The following GPCPD1 variants were observed in gnomAD, a reference collection of about 807,000 sequenced individuals.
GPCPD1 encodes the protein glycerophosphocholine phosphodiesterase GPCPD1.
GPCPD1 carries 29 observed loss-of-function variants against 89.2 expected under a neutral mutation model. The observed-to-expected ratio is 0.33, with a 90% CI of 0.24 to 0.44. GPCPD1 has a LOEUF of 0.44. Among genes scored for constraint, GPCPD1 ranks in the 20% least tolerant of loss-of-function variants. The probability of loss-of-function intolerance (pLI) is 1.00; values close to 1 mark genes in which losing one functional copy is unlikely to be tolerated. For synonymous variants in GPCPD1, 258 were observed against 266.3 expected (o/e 0.97, Z 0.30); for missense variants, 594 against 808.9 (o/e 0.73, Z 3.22).
intron 4 of GPCPD1, 58 bp downstream of exon 4, chr20:5,593,265 TTAAG>T (rs1448677497): frequency 1.2e-6 from 1 of 834,572 alleles, no homozygotes; most frequent in Non-Finnish European, 2.1e-6. Flanking sequence ...GTGTTCAAAC[TTAAG>T]TGAGTTGCTT....
rs1986297547 is a variant in GPCPD1, at chr20:5,564,909, A to G, written c.1329+108T>C. 5.7e-6 allele frequency: 4 copies of G among 704,274 alleles called. No individual in the cohort carries two copies. In the East Asian group the frequency reaches 9.9e-5, roughly 17 times the overall value. The allele number at this position is 704,274 out of a possible 1,614,324, so 43.6% of individuals were successfully genotyped here. A position where few individuals can be genotyped will look rare whatever the true frequency, so the allele number is the denominator to read the frequency against. ...CCAATGATGATAAATTCATATTAACATTGTCTTTAACACAGCCTTTTTAGG... is the reference window on the plus strand; with the variant it reads ...CCAATGATGATAAATTCATATTAACGTTGTCTTTAACACAGCCTTTTTAGG... On this transcript the variant is annotated intron_variant, in intron 15 of 19. Transcript: ENST00000379019.
At chr20:5,555,768 C>T (rs1210764802) in intron 19 of GPCPD1, among the ~76,000 whole-genome samples, 15 of 152,108 alleles carry the variant, frequency 9.9e-5, no homozygotes, top group African/African-American at 3.6e-4. Context: ...GCAGAAGAAT[C>T]GCTTGAACCC....
chr20:5,565,438 A>G (rs1986348100), intron 14 of GPCPD1, among the ~76,000 whole-genome samples: 1 of 152,156 alleles, frequency 6.6e-6, no homozygotes, highest in African/African-American at 2.4e-5. Flanking sequence ...CTAGTTGCTC[A>G]GGCTGATCTT....
Position 5,565,062 on chromosome 20 carries a change from C to T in GPCPD1, c.1284G>A (p.Glu428=), listed in dbSNP as rs753409574. Residue 428 remains glutamate (E), a synonymous_variant, in exon 15 of 20, where the codon GAG becomes GAA. Transcript: ENST00000379019. The part of the protein sequence containing the change: ...SKDRKESVVQ[E]ENSFSENQPF... Reference sequence around the variant, plus strand: ...GCTGATTTTCTGAAAAGGAATTTTCCTCCTGAACCACAGATTCTGAAATTT... The same window carrying T: ...GCTGATTTTCTGAAAAGGAATTTTCTTCCTGAACCACAGATTCTGAAATTT... 30 of 1,534,160 alleles carry T rather than the reference C, an allele frequency of 2.0e-5. No homozygotes were observed. Among genetic ancestry groups the T allele is most frequent in the African/African-American group, 2.7e-5 (2 of 73,318 alleles).
Position 5,610,194 on chromosome 20 carries a change from G to A in GPCPD1, c.-29+648C>T, listed in dbSNP as rs554199728. ...AGGCTCTCTCTCCTACCTCAGCAAG[G>A]CAGTCTGAAGAGCTTTGGGAAAAGT... is the stretch of plus-strand genomic sequence containing the variant. On this transcript the variant is annotated intron_variant, in intron 1 of 19. Coordinates refer to ENST00000379019, the MANE Select transcript of GPCPD1 (RefSeq NM_019593.5). 1.8e-4 allele frequency among the ~76,000 whole-genome samples: 28 copies of A among 152,312 alleles called. 1 individual carries two copies. The highest frequency in any genetic ancestry group is 6.7e-4 in the African/African-American group (28 of 41,566).
In GPCPD1 at chr20:5,595,237, G is replaced by GTA. The variant is rs1003660267; in HGVS notation, c.147-1828_147-1827dup. Reference sequence around the variant, plus strand: ...CTTTAAACAAACCAACATGGAACATGTATATATATGTAACAAACCTGCACG... The same window carrying GTA: ...CTTTAAACAAACCAACATGGAACATGTATATATATATGTAACAAACCTGCACG... On this transcript the variant is annotated intron_variant, in intron 3 of 19. Coordinates refer to ENST00000379019, the MANE Select transcript of GPCPD1 (RefSeq NM_019593.5). Among the ~76,000 whole-genome samples, 7 of 152,234 alleles carry GTA rather than the reference G, an allele frequency of 4.6e-5. No homozygotes were observed. In the South Asian group the frequency reaches 1.0e-3, roughly 23 times the overall value.
chr20:5,577,823 A>T (rs1171473711), intron 8 of GPCPD1, among the ~76,000 whole-genome samples: 1 of 152,188 alleles, frequency 6.6e-6, no homozygotes, highest in Non-Finnish European at 1.5e-5. Flanking sequence ...GTGTTGGGGA[A>T]ATATGAACAG....
intron 4 of GPCPD1, among the ~76,000 whole-genome samples, chr20:5,587,937 T>C (rs530474806): frequency 6.6e-6 from 1 of 152,304 alleles, no homozygotes; most frequent in Admixed American, 6.5e-5. Context: ...TAGCACGATA[T>C]ATTTCTTCAA....
intron 19 of GPCPD1, 30 bp downstream of exon 19, chr20:5,557,915 C>T: frequency 8.0e-7 from 1 of 1,256,732 alleles, no homozygotes; most frequent in South Asian, 1.3e-5. Context: ...CTTCTAAATT[C>T]CATGAAAATT....
chr20:5,585,168 A>G (rs1199225346), intron 5 of GPCPD1: 1 of 152,218 alleles, frequency 6.6e-6, no homozygotes, highest in Admixed American at 6.5e-5. Flanking sequence ...ACAATTTTTT[A>G]AAACATTCAA....
chr20:5,547,912 G>A, intron 19 of GPCPD1, 62 bp from the exon 20 acceptor site: 1 of 810,906 alleles, frequency 1.2e-6, no homozygotes, highest in Non-Finnish European at 1.9e-6. Context: ...CCTAAGACCT[G>A]CCTGACTCAA....
chr20:5,566,420 T>C (rs112031328), intron 14 of GPCPD1, among the ~76,000 whole-genome samples: 26 of 152,344 alleles, frequency 1.7e-4, no homozygotes, highest in African/African-American at 2.9e-4. Context: ...CTGGTTCAAA[T>C]TGACCCTGTA....
chr20:5,593,857 T>C (rs1321313095), intron 3 of GPCPD1, among the ~76,000 whole-genome samples: 1 of 152,198 alleles, frequency 6.6e-6, no homozygotes, highest in African/African-American at 2.4e-5. Context: ...TAGCGAGGGA[T>C]GTTACATGGC....
intron 15 of GPCPD1, among the ~76,000 whole-genome samples, chr20:5,562,574 G>T (rs1165268644): frequency 6.6e-6 from 1 of 152,184 alleles, no homozygotes; most frequent in Non-Finnish European, 1.5e-5. Context: ...GAGCCACTGT[G>T]CCCGGCAGAT....
intron 19 of GPCPD1, chr20:5,548,921 C>T (rs1985200981): frequency 9.6e-7 from 1 of 1,037,846 alleles, no homozygotes; most frequent in Non-Finnish European, 1.4e-6. Context: ...GTTGCTAACC[C>T]AGAACACTAT....
chr20:5,607,871 G>A (rs1980704607), intron 1 of GPCPD1, among the ~76,000 whole-genome samples: 1 of 149,180 alleles, frequency 6.7e-6, no homozygotes, highest in Non-Finnish European at 1.5e-5. Context: ...TTAATTTTAA[G>A]AGAGCAAATA....
chr20:5,567,608 A>G, intron 12 of GPCPD1, 48 bp from the exon 13 acceptor site: 1 of 1,488,910 alleles, frequency 6.7e-7, no homozygotes, highest in Non-Finnish European at 9.0e-7. Flanking sequence ...AATAAAGAAA[A>G]TTAAGAGAAA....
chr20:5,560,327 C>A lies in GPCPD1; in HGVS notation c.1396-251G>T, dbSNP rs534943018. ...AAAAGCAAGTAACTATTAACTATAT[C>A]ATCAATACACTTTTGCATTAATAAA... On this transcript the variant is annotated intron_variant, in intron 16 of 19. Transcript: ENST00000379019. 3.2e-4 allele frequency among the ~76,000 whole-genome samples: 49 copies of A among 152,286 alleles called. No homozygotes were observed. The South Asian group carries it at 0.01, about 32-fold the overall frequency.
intron 14 of GPCPD1, among the ~76,000 whole-genome samples, chr20:5,565,694 A>C (rs1986362031): frequency 7.1e-6 from 1 of 139,990 alleles, no homozygotes; most frequent in Non-Finnish European, 1.6e-5. Context: ...CTACTCTTTA[A>C]AAAGTAGTCA....
Sources: allele counts gnomAD v4.1 joint callset (sites outside exome capture counted in the v4.1 genomes callset), GRCh38; gene constraint gnomAD v4.1.1; transcripts MANE v1.5; gene names NCBI Gene and HGNC (gene_info 2026-07-23, HGNC 2026-07-21).